Variants in LINS1 observed in about 807,000 individuals in gnomAD.
LINS1 encodes lines homolog 1, also known as protein Lines homolog 1.
A neutral mutation model predicts 41.6 loss-of-function variants in LINS1; 27 were observed. The ratio of observed to expected loss-of-function variants is 0.65; its 90% CI spans 0.48 to 0.89. The LOEUF (loss-of-function observed/expected upper bound fraction) is 0.89. Among genes scored for constraint, LINS1 ranks in the 40% least tolerant of loss-of-function variants. The probability of loss-of-function intolerance (pLI) is 0.00; values close to 1 mark genes in which losing one functional copy is unlikely to be tolerated. For synonymous variants in LINS1, 336 were observed against 312.9 expected, an observed-to-expected ratio of 1.07 and a Z score of -0.78; for missense variants, 955 against 884.1, an observed-to-expected ratio of 1.08 and a Z score of -1.02.
rs1481998812 is a variant in LINS1 at position 100,569,439 on chromosome 15, G to A, written c.2073C>T (p.Phe691=). The change falls in exon 7 of 7, where the codon TTC becomes TTT. Residue 691 remains phenylalanine, a synonymous_variant. Coordinates refer to ENST00000314742, the MANE Select transcript of LINS1 (RefSeq NM_001040616.3). The stretch of plus-strand genomic sequence containing the variant: ...TTGGGGCTACTTCACAATCAAAGGA[G>A]AAGGCAGTATCAAATTCTTTCAGAA... The part of the protein sequence containing the change: ...PLVLKEFDTA[F]SFDCEVAPND... The A allele has an allele frequency of 5.0e-6, 8 of 1,614,184 alleles. No individual in the cohort carries two copies. Among genetic ancestry groups the A allele is most frequent in the Non-Finnish European group, 6.8e-6 (8 of 1,180,006 alleles).
At chr15:100,582,471 C>G (rs1332892261) in intron 1 of LINS1, among the ~76,000 whole-genome samples, 1 of 135,146 alleles carries the variant, frequency 7.4e-6, no homozygotes, top group Non-Finnish European at 1.5e-5. Flanking sequence ...CTAGCCTAGT[C>G]TTGGTCTTAC....
intron 1 of LINS1, among the ~76,000 whole-genome samples, chr15:100,594,388 G>A (rs555269148): frequency 1.4e-4 from 21 of 152,234 alleles, no homozygotes; most frequent in African/African-American, 4.6e-4. Context: ...TAATGATCAC[G>A]AATCTTGTGG....
In LINS1 at chr15:100,580,435, AT is replaced by A. The variant is rs750386995; in HGVS notation, c.399+8del. On this transcript the variant is annotated splice_region_variant and intron_variant, in intron 2 of 6. Transcript: ENST00000314742. ...AATATCTACATCTTTAGAAAAACAA[AT>A]GGCTTACTAATTTAGAATCGACTTT... 1.9e-6 allele frequency: 3 copies of A among 1,612,294 alleles called. No homozygotes were observed. Among genetic ancestry groups the A allele is most frequent in the Non-Finnish European group, 2.5e-6 (3 of 1,178,516 alleles).
At chr15:100,590,580 A>C (rs575256757) in intron 1 of LINS1, among the ~76,000 whole-genome samples, 2 of 152,372 alleles carry the variant, frequency 1.3e-5, no homozygotes, top group South Asian at 4.1e-4. Context: ...GCTGTATAAC[A>C]GATTCTTCTC....
rs2037852136 is a variant in LINS1, at chr15:100,571,960, A to G, written c.1328T>C (p.Ile443Thr). 6.2e-7 allele frequency: 1 copy of G among 1,614,124 alleles called. No homozygotes were observed. The highest frequency in any genetic ancestry group is 1.1e-5 in the South Asian group (1 of 91,096). The change falls in exon 6 of 7, where the codon ATA becomes ACA. Residue 443 changes from isoleucine to threonine, a missense_variant. Ile to Thr is a moderately conservative substitution (Grantham distance 89). Coordinates refer to ENST00000314742, the MANE Select transcript of LINS1 (RefSeq NM_001040616.3). ...NPCKWLSRVF[I>T]EQDDDMLEAA... ...CTCCAGCATGTCATCGTCTTGTTCT[A>G]TGAAAACCCGAGACAGCCATTTGCA...
At chr15:100,583,324 T>C (rs1243329012) in intron 1 of LINS1, among the ~76,000 whole-genome samples, 2 of 152,262 alleles carry the variant, frequency 1.3e-5, no homozygotes, top group African/African-American at 4.8e-5. Context: ...GGCTGGCTTC[T>C]TCCCCTGATT....
At position 100,582,098 on chromosome 15, in the gene LINS1, T is replaced by A. The variant is rs561239807; in HGVS notation, c.-103-1153A>T. On this transcript the variant is annotated intron_variant, in intron 1 of 6. Transcript: ENST00000314742. ...TCTACCACTTACACTGGGTCTTCCA[T>A]CTACAATATGGCCACTAGCCTAGTC... 1.8e-3 allele frequency among the ~76,000 whole-genome samples: 274 copies of A among 152,382 alleles called. 1 individual carries two copies. The highest frequency in any genetic ancestry group is 6.4e-3 in the African/African-American group (265 of 41,598).
At chr15:100,587,502 C>T (rs1023999375) in intron 1 of LINS1, among the ~76,000 whole-genome samples, 1 of 152,120 alleles carries the variant, frequency 6.6e-6, no homozygotes, top group African/African-American at 2.4e-5. Flanking sequence ...GGTTGGTTTT[C>T]TGTTTGTTTG....
intron 1 of LINS1, among the ~76,000 whole-genome samples, chr15:100,582,297 C>G (rs1596927956): frequency 7.0e-6 from 1 of 143,786 alleles, no homozygotes; most frequent in Non-Finnish European, 1.5e-5. Context: ...GGTCTTCCGT[C>G]TACACTATGG....
intron 1 of LINS1, among the ~76,000 whole-genome samples, chr15:100,589,880 A>G (rs1240782249): frequency 1.3e-5 from 2 of 152,250 alleles, no homozygotes; most frequent in Non-Finnish European, 2.9e-5. Flanking sequence ...TTCACTAGGT[A>G]CAGAAAGCTT....
intron 1 of LINS1, among the ~76,000 whole-genome samples, chr15:100,595,043 A>G (rs953829124): frequency 3.3e-5 from 5 of 152,174 alleles, no homozygotes; most frequent in Admixed American, 3.3e-4. Context: ...AATAACTCCA[A>G]CCTTTTACAA....
In LINS1 at chr15:100,570,042, A is replaced by G; in HGVS notation, c.1470T>C (p.Asn490=). ...AGAAGAACAAGAAAATACAGTGAGG[A>G]TTATAGCCATTTTCATGTGTGTGAT... The part of the protein sequence containing the change: ...WDHHTHENGY[N]PHCIFLFFLK... Residue 490 remains asparagine (N), a synonymous_variant, in exon 7 of 7, where the codon AAT becomes AAC. Coordinates refer to ENST00000314742, the MANE Select transcript of LINS1 (RefSeq NM_001040616.3). The G allele has an allele frequency of 1.3e-6, 2 of 1,565,146 alleles. No individual in the cohort carries two copies. The highest frequency in any genetic ancestry group is 1.7e-6 in the Non-Finnish European group (2 of 1,163,600).
intron 5 of LINS1, chr15:100,572,552 GA>G (rs144444877): frequency 0.45 from 446,648 of 995,952 alleles, 103,369 homozygotes; most frequent in Non-Finnish European, 0.48. Flanking sequence ...TAGGTAGTTT[GA>G]ACTACAATTT....
At position 100,580,630 on chromosome 15, in the gene LINS1, T is replaced by A; in HGVS notation, c.213A>T (p.Val71=). 9.3e-6 allele frequency: 15 copies of A among 1,613,994 alleles called. No individual in the cohort carries two copies. The highest frequency in any genetic ancestry group is 1.3e-5 in the Non-Finnish European group (15 of 1,179,934). Residue 71 remains valine, a synonymous_variant, in exon 2 of 7, where the codon GTA becomes GTT. Coordinates refer to ENST00000314742, the MANE Select transcript of LINS1 (RefSeq NM_001040616.3). ...AGTTGGTCTTCAAACACACAGGTGC[T>A]ACAGCAATGGGAGCCACACCAACAG... ...PISVGVAPIA[V]APVCLKTNSQ... is the part of the protein sequence containing the mutation.
At chr15:100,582,551 C>A (rs1596929206) in intron 1 of LINS1, among the ~76,000 whole-genome samples, 2 of 140,182 alleles carry the variant, frequency 1.4e-5, no homozygotes, top group African/African-American at 5.4e-5. Flanking sequence ...TCCGTCTACA[C>A]TATGGCCCAC....
chr15:100,590,613 G>T (rs1009111384), intron 1 of LINS1, among the ~76,000 whole-genome samples: 1 of 152,216 alleles, frequency 6.6e-6, no homozygotes, highest in Admixed American at 6.5e-5. Context: ...TTATGTAACA[G>T]ACTTAAAATT....
chr15:100,574,227 A>G lies in LINS1; in HGVS notation c.646T>C (p.Phe216Leu), dbSNP rs1217570595. The G allele has an allele frequency of 1.9e-6, 3 of 1,599,892 alleles. No homozygotes were observed. Among genetic ancestry groups the G allele is most frequent in the Non-Finnish European group, 2.6e-6 (3 of 1,167,276 alleles). Residue 216 changes from phenylalanine to leucine, a missense_variant, in exon 5 of 7, where the codon TTC becomes CTC. Coordinates refer to ENST00000314742, the MANE Select transcript of LINS1 (RefSeq NM_001040616.3). ...AAAATGGTGTCGAAATGAGTCAGGA[A>G]CTGCTTTAGAATTTCTGCAATTATA... ...CSQKTEILKQ[F>L]LTHFDTIFEV...
intron 1 of LINS1, among the ~76,000 whole-genome samples, chr15:100,595,582 C>T (rs2039210637): frequency 6.6e-6 from 1 of 152,162 alleles, no homozygotes; most frequent in African/African-American, 2.4e-5. Flanking sequence ...ACGGCACATC[C>T]TCTTTGGAAA....
intron 1 of LINS1, among the ~76,000 whole-genome samples, chr15:100,600,130 T>TGAATCTG (rs1459017836): frequency 1.3e-5 from 2 of 152,218 alleles, no homozygotes; most frequent in Non-Finnish European, 2.9e-5. Context: ...TAGCAATTTA[T>TGAATCTG]GAATCTGGCA....
Sources: allele counts gnomAD v4.1 joint callset (sites outside exome capture counted in the v4.1 genomes callset), GRCh38; gene constraint gnomAD v4.1.1; transcripts MANE v1.5; gene names NCBI Gene and HGNC (gene_info 2026-07-23, HGNC 2026-07-21).